The following KLF12 variants were observed in gnomAD, a reference collection of about 807,000 sequenced individuals.
KLF12 encodes the protein KLF transcription factor 12, also known as Krueppel-like factor 12.
KLF12 carries 9 observed loss-of-function variants against 37.8 expected under a neutral mutation model. That is an observed-to-expected ratio of 0.24 (90% CI 0.14 to 0.42). The LOEUF (loss-of-function observed/expected upper bound fraction) is 0.42, where lower values mean the gene tolerates loss of function less well. KLF12 is among the 10% of genes least tolerant of loss of function. The pLI is 1.00. For synonymous variants in KLF12, 208 were observed against 202.1 expected (o/e 1.03, Z -0.25); for missense variants, 411 against 516.0 (o/e 0.80, Z 1.97).
intron 1 of KLF12, among the ~76,000 whole-genome samples, chr13:74,131,274 G>A (rs1649337597): frequency 2.6e-5 from 4 of 152,168 alleles, no homozygotes. Flanking sequence ...ATATCCCTGA[G>A]CAACATGTAT....
At chr13:73,696,559 C>A (rs1404409177) in intron 7 of KLF12, among the ~76,000 whole-genome samples, 1 of 152,178 alleles carries the variant, frequency 6.6e-6, no homozygotes, top group African/African-American at 2.4e-5. Context: ...TGTCCCCATG[C>A]AACCCCACAA....
intron 1 of KLF12, among the ~76,000 whole-genome samples, chr13:74,069,399 G>A: frequency 6.6e-6 from 1 of 152,168 alleles, no homozygotes. Context: ...AGAGTTGATG[G>A]TGGTGAGGCC....
intron 1 of KLF12, among the ~76,000 whole-genome samples, chr13:74,078,346 CAT>C (rs1874686304): frequency 6.6e-6 from 1 of 152,170 alleles, no homozygotes; most frequent in Admixed American, 6.5e-5. Context: ...CTCCAAAGCA[CAT>C]AACTGTTACC....
At chr13:74,023,705 T>A (rs1029756875) in intron 1 of KLF12, among the ~76,000 whole-genome samples, 3 of 152,178 alleles carry the variant, frequency 2.0e-5, no homozygotes, top group Non-Finnish European at 4.4e-5. Flanking sequence ...TCTTAATTCA[T>A]TACATTGGCA....
chr13:73,930,863 T>TTC (rs1432246368), intron 3 of KLF12, among the ~76,000 whole-genome samples: 2 of 139,798 alleles, frequency 1.4e-5, no homozygotes, highest in South Asian at 4.8e-4. Flanking sequence ...TGGAAACATT[T>TTC]TTTTTTTTTT....
chr13:73,786,640 T>C (rs1368358729), intron 5 of KLF12, among the ~76,000 whole-genome samples: 1 of 151,444 alleles, frequency 6.6e-6, no homozygotes, highest in Non-Finnish European at 1.5e-5. Flanking sequence ...TCCAACACTT[T>C]GGGAGGCCGA....
chr13:74,288,999 G>A, the KLF12 span: 4 of 152,170 alleles, frequency 2.6e-5, no homozygotes, highest in Non-Finnish European at 4.4e-5. Flanking sequence ...CCTCATCTAA[G>A]CTACTATTTT....
intron 1 of KLF12, among the ~76,000 whole-genome samples, chr13:74,111,573 AAGG>A (rs1355161980): frequency 2.0e-5 from 3 of 152,212 alleles, no homozygotes; most frequent in African/African-American, 7.2e-5. Context: ...GTGACTGAAA[AAGG>A]AGAACACAAC....
chr13:74,223,881 A>T, the KLF12 span, among the ~76,000 whole-genome samples: 1 of 152,220 alleles, frequency 6.6e-6, no homozygotes, highest in East Asian at 1.9e-4. Flanking sequence ...ACAAGCACAT[A>T]TTTCACTTGC....
intron 6 of KLF12, among the ~76,000 whole-genome samples, chr13:73,724,212 T>TA (rs377258206): frequency 4.6e-5 from 7 of 152,126 alleles, no homozygotes; most frequent in Middle Eastern, 6.8e-3. Flanking sequence ...TATGCAGCCA[T>TA]AAAAAAATGA....
chr13:73,758,512 TG>T (rs1879335910), intron 6 of KLF12, among the ~76,000 whole-genome samples: 1 of 152,150 alleles, frequency 6.6e-6, no homozygotes, highest in South Asian at 2.1e-4. Context: ...GCACCACACC[TG>T]GGTACAGTGT....
At chr13:73,926,203 T>C (rs1184686066) in intron 3 of KLF12, among the ~76,000 whole-genome samples, 2 of 152,190 alleles carry the variant, frequency 1.3e-5, no homozygotes, top group Admixed American at 6.5e-5. Flanking sequence ...AAATCTTTTA[T>C]GAAAGAAGAG....
chr13:73,903,719 A>G (rs1888140627), intron 3 of KLF12, among the ~76,000 whole-genome samples: 1 of 152,218 alleles, frequency 6.6e-6, no homozygotes, highest in Non-Finnish European at 1.5e-5. Flanking sequence ...CCAATGGCCC[A>G]TGGCCTGTTA....
intron 5 of KLF12, among the ~76,000 whole-genome samples, chr13:73,779,552 G>T (rs889808996): frequency 7.9e-5 from 12 of 152,214 alleles, no homozygotes; most frequent in African/African-American, 2.9e-4. Context: ...GGCTGCCCGA[G>T]TTGCATCCTT....
chr13:74,122,645 T>G (rs1877697726), intron 1 of KLF12, among the ~76,000 whole-genome samples: 1 of 152,042 alleles, frequency 6.6e-6, no homozygotes, highest in South Asian at 2.1e-4. Flanking sequence ...TTCCCTCTAA[T>G]AAATGAGTGA....
the KLF12 span, among the ~76,000 whole-genome samples, chr13:74,253,009 ATCTATCTATCTATCTG>A: frequency 0.031 from 4,278 of 137,512 alleles, 130 homozygotes; most frequent in African/African-American, 0.095. Flanking sequence ...CTATCTATCT[ATCTATCTATCTATCTG>A]TCTGTCTATC....
chr13:74,222,195 A>T, the KLF12 span, among the ~76,000 whole-genome samples: 1 of 152,226 alleles, frequency 6.6e-6, no homozygotes, highest in Non-Finnish European at 1.5e-5. Flanking sequence ...AAATGTGGTT[A>T]GCCTCTTGGG....
intron 1 of KLF12, among the ~76,000 whole-genome samples, chr13:74,052,777 T>TC (rs1953160789): frequency 6.6e-6 from 1 of 152,138 alleles, no homozygotes; most frequent in Non-Finnish European, 1.5e-5. Context: ...TCCCTCCCAT[T>TC]ACTACAGCTG....
intron 1 of KLF12, among the ~76,000 whole-genome samples, chr13:74,000,018 C>T (rs1242828226): frequency 6.6e-6 from 1 of 152,162 alleles, no homozygotes; most frequent in African/African-American, 2.4e-5. Flanking sequence ...ATTTTACATG[C>T]TCCTTTTGCC....
Sources: gnomAD v4.1 joint callset for allele counts (sites outside exome capture counted in the v4.1 genomes callset) on GRCh38, gnomAD v4.1.1 for gene constraint, MANE v1.5 for transcripts, NCBI Gene and HGNC (gene_info 2026-07-23, HGNC 2026-07-21) for gene names.